Variants in CCSER1 observed in about 807,000 individuals in gnomAD.
CCSER1 encodes the protein coiled-coil serine rich protein 1.
A neutral mutation model predicts 82.0 loss-of-function variants in CCSER1; 41 were observed. The ratio of observed to expected loss-of-function variants is 0.50; its 90% CI spans 0.39 to 0.65. The LOEUF is 0.65. Among genes scored for constraint, CCSER1 ranks in the 30% least tolerant of loss-of-function variants. The pLI, the probability that CCSER1 is intolerant of heterozygous loss-of-function variation, is 0.00. For synonymous variants in CCSER1, 414 were observed against 383.9 expected (o/e 1.08, Z -0.92); for missense variants, 1,119 against 1,064.2 (o/e 1.05, Z -0.72).
At chr4:90,347,178 A>G (rs542307587) in intron 3 of CCSER1, among the ~76,000 whole-genome samples, 1 of 152,334 alleles carries the variant, frequency 6.6e-6, no homozygotes, top group South Asian at 2.1e-4. Context: ...AAACAAAAGC[A>G]TAAATAATAG....
chr4:91,036,872 A>G (rs1218744384), intron 9 of CCSER1, among the ~76,000 whole-genome samples: 3 of 152,102 alleles, frequency 2.0e-5, no homozygotes, highest in Non-Finnish European at 2.9e-5. Context: ...TGAGGTCAGG[A>G]GTTCGAGACC....
chr4:90,640,189 C>G (rs559490273), intron 6 of CCSER1, among the ~76,000 whole-genome samples: 2 of 152,176 alleles, frequency 1.3e-5, no homozygotes, highest in African/African-American at 4.8e-5. Flanking sequence ...ATAAAACAAC[C>G]TATTCTAAGT....
At chr4:90,406,943 C>T (rs532693811) in intron 4 of CCSER1, among the ~76,000 whole-genome samples, 13 of 152,052 alleles carry the variant, frequency 8.5e-5, no homozygotes, top group South Asian at 2.1e-4. Flanking sequence ...TCACACCTCA[C>T]GGAACTGGAG....
intron 10 of CCSER1, among the ~76,000 whole-genome samples, chr4:91,425,774 A>G (rs976855772): frequency 1.3e-5 from 2 of 152,220 alleles, no homozygotes; most frequent in Admixed American, 1.3e-4. Flanking sequence ...AGTTTCATTT[A>G]TGCAAGATCA....
intron 6 of CCSER1, among the ~76,000 whole-genome samples, chr4:90,716,967 A>T (rs1741751123): frequency 1.3e-5 from 2 of 152,170 alleles, no homozygotes; most frequent in African/African-American, 4.8e-5. Flanking sequence ...GCCATTTCCT[A>T]GATTGACTCA....
At chr4:91,277,724 A>T (rs1742593999) in intron 10 of CCSER1, among the ~76,000 whole-genome samples, 1 of 150,142 alleles carries the variant, frequency 6.7e-6, no homozygotes, top group Non-Finnish European at 1.5e-5. Flanking sequence ...TTCTCTACTA[A>T]TTTTGGGTTT....
At chr4:91,044,139 G>A (rs1742231743) in intron 9 of CCSER1, among the ~76,000 whole-genome samples, 1 of 152,106 alleles carries the variant, frequency 6.6e-6, no homozygotes, top group Admixed American at 6.6e-5. Context: ...AAACTATTTG[G>A]TTATGCAATT....
intron 10 of CCSER1, among the ~76,000 whole-genome samples, chr4:91,485,255 G>C (rs1303454306): frequency 6.6e-6 from 1 of 152,020 alleles, no homozygotes; most frequent in Non-Finnish European, 1.5e-5. Context: ...TGTTATTACA[G>C]AGCTCTGGTA....
intron 10 of CCSER1, among the ~76,000 whole-genome samples, chr4:91,302,995 C>T (rs1281424296): frequency 6.6e-6 from 1 of 151,940 alleles, no homozygotes; most frequent in East Asian, 1.9e-4. Context: ...TATTCAATGC[C>T]ACAAGAGTGT....
chr4:91,344,862 G>C (rs1747950882), intron 10 of CCSER1, among the ~76,000 whole-genome samples: 1 of 151,984 alleles, frequency 6.6e-6, no homozygotes, highest in Admixed American at 6.6e-5. Context: ...GAATTATAAA[G>C]GTAAATATGT....
intron 1 of CCSER1, among the ~76,000 whole-genome samples, chr4:90,129,503 G>A (rs1480099235): frequency 6.6e-6 from 1 of 152,174 alleles, no homozygotes; most frequent in Non-Finnish European, 1.5e-5. Context: ...TAGTAGGACA[G>A]TATCCTTAAT....
intron 10 of CCSER1, among the ~76,000 whole-genome samples, chr4:91,597,211 A>G (rs1764624569): frequency 6.6e-6 from 1 of 152,100 alleles, no homozygotes; most frequent in South Asian, 2.1e-4. Flanking sequence ...ACAATTTTCC[A>G]GTCTGTATAA....
intron 6 of CCSER1, among the ~76,000 whole-genome samples, chr4:90,652,948 A>T (rs1729037441): frequency 1.3e-5 from 2 of 152,094 alleles, no homozygotes; most frequent in Non-Finnish European, 1.5e-5. Flanking sequence ...ATGTTAAATA[A>T]ATTTGTCTGC....
Position 91,457,510 on chromosome 4 carries a change from A to T in CCSER1, c.2218-141062A>T, listed in dbSNP as rs570662902. ...CAAGACCCCATCTCTACAAAAAAAT[A>T]AAAAAAATAATTAGTCATGTGTGGT... On this transcript the variant is annotated intron_variant, in intron 10 of 10. Coordinates refer to ENST00000509176, the MANE Select transcript of CCSER1 (RefSeq NM_001145065.2). Among the ~76,000 whole-genome samples, 164 of 152,018 alleles carry T rather than the reference A, an allele frequency of 1.1e-3. 3 individuals are homozygous for T. Among genetic ancestry groups the T allele is most frequent in the Admixed American group, 1.1e-3 (16 of 15,226 alleles).
chr4:90,340,101 T>C (rs1261433534), intron 3 of CCSER1, among the ~76,000 whole-genome samples: 1 of 152,104 alleles, frequency 6.6e-6, no homozygotes, highest in Admixed American at 6.5e-5. Flanking sequence ...TATTATATTT[T>C]CCCCCCAACA....
At chr4:90,623,305 A>T (rs1156754933) in intron 5 of CCSER1, among the ~76,000 whole-genome samples, 1 of 151,910 alleles carries the variant, frequency 6.6e-6, no homozygotes, top group Non-Finnish European at 1.5e-5. Context: ...AAGTGCTGGG[A>T]TTACAGGCGT....
intron 3 of CCSER1, among the ~76,000 whole-genome samples, chr4:90,337,187 T>C (rs1190745680): frequency 6.6e-6 from 1 of 152,214 alleles, no homozygotes; most frequent in Non-Finnish European, 1.5e-5. Context: ...TGAAATGTAA[T>C]GCAGTGGGAA....
intron 4 of CCSER1, among the ~76,000 whole-genome samples, chr4:90,458,662 A>G (rs983533803): frequency 6.6e-6 from 1 of 152,154 alleles, no homozygotes; most frequent in Non-Finnish European, 1.5e-5. Context: ...GCCTTGCCAC[A>G]ATAAGTTTTA....
intron 9 of CCSER1, among the ~76,000 whole-genome samples, chr4:90,973,755 A>G (rs117195755): frequency 6.6e-6 from 1 of 151,682 alleles, no homozygotes; most frequent in East Asian, 1.9e-4. Context: ...CATGGAAACA[A>G]CGTAAATATC....
Sources: allele counts gnomAD v4.1 joint callset (sites outside exome capture counted in the v4.1 genomes callset), GRCh38; gene constraint gnomAD v4.1.1; transcripts MANE v1.5; gene names NCBI Gene and HGNC (gene_info 2026-07-23, HGNC 2026-07-21).